TYR: variants seen among roughly 807,000 people sequenced by gnomAD.
TYR encodes LB24-AB.
TYR carries 58 observed loss-of-function variants against 51.5 expected under a neutral mutation model. That is an observed-to-expected ratio of 1.13 (90% confidence interval 0.91 to 1.40). The LOEUF (loss-of-function observed/expected upper bound fraction) is 1.40, where lower values mean the gene tolerates loss of function less well. Among genes scored for constraint, TYR ranks in the 40% most tolerant of loss-of-function variants. The pLI is 0.00. For missense variants in TYR, 732 were observed against 647.4 expected, an observed-to-expected ratio of 1.13 and a Z score of -1.42; for synonymous variants, 263 against 235.2, an observed-to-expected ratio of 1.12 and a Z score of -1.08.
chr11:89,199,025 CT>C (rs1943562048), intron 2 of TYR, among the ~76,000 whole-genome samples: 1 of 152,016 alleles, frequency 6.6e-6, no homozygotes, highest in Non-Finnish European at 1.5e-5. Context: ...GTTTTTTGTC[CT>C]TGTGATAGTT....
chr11:89,252,167 G>C (rs1296143023), intron 3 of TYR, among the ~76,000 whole-genome samples: 1 of 151,740 alleles, frequency 6.6e-6, no homozygotes, highest in Non-Finnish European at 1.5e-5. Flanking sequence ...TTCTGTTCTA[G>C]TGAGATATTA....
At chr11:89,191,503 A>G (rs1943445979) in intron 2 of TYR, 85 bp downstream of exon 2, 1 of 1,383,364 alleles carries the variant, frequency 7.2e-7, no homozygotes, top group Admixed American at 1.8e-5. Context: ...GTATTTGAGA[A>G]TTCAGAATTT....
chr11:89,295,552 C>CA lies in TYR; in HGVS notation c.*187dup. The CA allele has an allele frequency of 1.4e-6, 1 of 703,088 alleles. No individual in the cohort carries two copies. The highest frequency in any genetic ancestry group is 1.8e-5 in the South Asian group (1 of 55,810). The allele number at this position is 703,088 out of a possible 1,614,324, so 43.6% of individuals were successfully genotyped here. ...ACACCTGTCTTTGTCTTGCTGTTTT[C>CA]ACTCAGCCCTTTTAACATTTTCCCC... is the stretch of plus-strand genomic sequence containing the variant. On this transcript the variant is annotated 3_prime_UTR_variant, in exon 5 of 5. Coordinates refer to ENST00000263321, the MANE Select transcript of TYR (RefSeq NM_000372.5).
chr11:89,256,184 C>T lies in TYR; in HGVS notation c.1184+28214C>T, dbSNP rs181067019. Among the ~76,000 whole-genome samples, 445 of 151,712 alleles carry T rather than the reference C, an allele frequency of 2.9e-3. 1 individual carries two copies. Among genetic ancestry groups the T allele is most frequent in the African/African-American group, 0.01 (432 of 41,442 alleles). ...ATAATTTTAAACTTTAATTTAAAAT[C>T]GGGTATTTGTTTGTTATTGAAAAAC... On this transcript the variant is annotated intron_variant, in intron 3 of 4. Transcript: ENST00000263321.
intron 1 of TYR, among the ~76,000 whole-genome samples, chr11:89,185,514 A>G (rs1943359514): frequency 6.6e-6 from 1 of 152,190 alleles, no homozygotes; most frequent in African/African-American, 2.4e-5. Flanking sequence ...GAAATAAACA[A>G]CAATGTGAAA....
At chr11:89,211,122 T>G (rs1943748869) in intron 2 of TYR, among the ~76,000 whole-genome samples, 1 of 152,048 alleles carries the variant, frequency 6.6e-6, no homozygotes, top group Non-Finnish European at 1.5e-5. Context: ...ATATTAACCT[T>G]AAATGTAAAT....
intron 2 of TYR, among the ~76,000 whole-genome samples, chr11:89,215,494 A>T (rs1943820050): frequency 6.6e-6 from 1 of 151,866 alleles, no homozygotes. Flanking sequence ...CATTGTGTAC[A>T]TCTACCCTAG....
chr11:89,215,783 C>T (rs1943824620), intron 2 of TYR, among the ~76,000 whole-genome samples: 1 of 152,038 alleles, frequency 6.6e-6, no homozygotes, highest in Non-Finnish European at 1.5e-5. Flanking sequence ...AAGAATCCCA[C>T]CATTTTTGGA....
chr11:89,212,525 C>T (rs946441128), intron 2 of TYR, among the ~76,000 whole-genome samples: 5 of 152,116 alleles, frequency 3.3e-5, no homozygotes, highest in African/African-American at 1.2e-4. Flanking sequence ...GGAGCTGGTA[C>T]CATTCCTTCT....
At chr11:89,190,550 G>T (rs1943429230) in intron 1 of TYR, among the ~76,000 whole-genome samples, 1 of 151,878 alleles carries the variant, frequency 6.6e-6, no homozygotes, top group African/African-American at 2.4e-5. Flanking sequence ...GACTCAAAAA[G>T]TTTTAAAAAA....
At chr11:89,243,578 T>C (rs978434937) in intron 3 of TYR, among the ~76,000 whole-genome samples, 2 of 152,248 alleles carry the variant, frequency 1.3e-5, no homozygotes, top group African/African-American at 4.8e-5. Flanking sequence ...TCTTGAATTA[T>C]AATTTCAATT....
At chr11:89,187,497 A>G (rs1943389399) in intron 1 of TYR, among the ~76,000 whole-genome samples, 1 of 152,192 alleles carries the variant, frequency 6.6e-6, no homozygotes, top group South Asian at 2.1e-4. Flanking sequence ...GTTCATAACA[A>G]ACTCATTGGC....
intron 2 of TYR, among the ~76,000 whole-genome samples, chr11:89,223,739 G>T (rs1341405718): frequency 6.6e-6 from 1 of 152,048 alleles, no homozygotes; most frequent in Non-Finnish European, 1.5e-5. Flanking sequence ...TATTTGAAGA[G>T]ACAATATATA....
In TYR at chr11:89,261,197, A is replaced by G. The variant is rs75976515; in HGVS notation, c.1185-23576A>G. Among the ~76,000 whole-genome samples, 284 of 152,288 alleles carry G rather than the reference A, an allele frequency of 1.9e-3. 6 individuals carry two copies. The East Asian group carries it at 0.05, about 27-fold the overall frequency. On this transcript the variant is annotated intron_variant, in intron 3 of 4. Transcript: ENST00000263321. Reference sequence around the variant, plus strand: ...AAGACATAACATGTATAGAAAACAAATAGAAAAATGTCAAGAATAATGACA... The same window carrying G: ...AAGACATAACATGTATAGAAAACAAGTAGAAAAATGTCAAGAATAATGACA...
chr11:89,220,931 AAC>A (rs1207679200), intron 2 of TYR, among the ~76,000 whole-genome samples: 1 of 152,208 alleles, frequency 6.6e-6, no homozygotes, highest in African/African-American at 2.4e-5. Flanking sequence ...GAGAAGAGAA[AAC>A]ACAAACACCG....
At chr11:89,195,780 G>A (rs1270441074) in intron 2 of TYR, among the ~76,000 whole-genome samples, 1 of 151,948 alleles carries the variant, frequency 6.6e-6, no homozygotes, top group Non-Finnish European at 1.5e-5. Flanking sequence ...GTTAAATAGG[G>A]GACCCTGTGC....
intron 2 of TYR, among the ~76,000 whole-genome samples, chr11:89,197,126 AGC>A (rs1943529868): frequency 6.6e-6 from 1 of 152,200 alleles, no homozygotes; most frequent in South Asian, 2.1e-4. Flanking sequence ...AGGCATTTCC[AGC>A]AGAGGGAACA....
chr11:89,227,116 C>G (rs879109393), intron 2 of TYR, among the ~76,000 whole-genome samples: 33 of 152,196 alleles, frequency 2.2e-4, no homozygotes, highest in Admixed American at 1.2e-3. Flanking sequence ...ATAATAATTT[C>G]TAACCAACAG....
chr11:89,231,978 C>A (rs1452528562), intron 3 of TYR, among the ~76,000 whole-genome samples: 1 of 129,560 alleles, frequency 7.7e-6, no homozygotes, highest in Admixed American at 7.5e-5. Flanking sequence ...GAGTGAGATT[C>A]CATCTCAAAA....
Sources: allele counts gnomAD v4.1 joint callset (sites outside exome capture counted in the v4.1 genomes callset), GRCh38; gene constraint gnomAD v4.1.1; transcripts MANE v1.5; gene names NCBI Gene and HGNC (gene_info 2026-07-23, HGNC 2026-07-21).